The following CD248 variants were observed in gnomAD, a reference collection of about 807,000 sequenced individuals.
The protein encoded by CD248 is endosialin.
Under a neutral mutation model 8.0 loss-of-function variants are expected in CD248, and 7 were observed. That is an observed-to-expected ratio of 0.88 (90% CI 0.50 to 1.64). The LOEUF is 1.64. CD248 is among the 40% of genes most tolerant of loss of function. The pLI, the probability that CD248 is intolerant of heterozygous loss-of-function variation, is 0.00. For missense variants in CD248, 912 were observed against 1,027.2 expected (o/e 0.89, Z 1.53); for synonymous variants, 418 against 437.1 (o/e 0.96, Z 0.54).
In CD248 at chr11:66,315,226, G is replaced by A. The variant is rs151151894; in HGVS notation, c.1802C>T (p.Ser601Phe). The change falls in exon 1 of 1, where the codon TCT (serine) becomes TTT (phenylalanine). Residue 601 changes from serine (S) to phenylalanine (F), a missense_variant. By Grantham distance (155) the Ser-to-Phe change is radical. This residue lies in a region of CD248 where 507 missense variants were observed against 562.2 expected (regional missense o/e 0.90). Coordinates refer to ENST00000311330, the MANE Select transcript of CD248 (RefSeq NM_020404.3). The surrounding 1 kb of genome is among the most constrained non-coding windows in gnomAD (Gnocchi z 4.3). ...AGGCACAGAGATTTGATGGGCAGGAGACACAGGGGACCTGGAGGTGGTGGT... is the reference window on the plus strand; with the variant it reads ...AGGCACAGAGATTTGATGGGCAGGAAACACAGGGGACCTGGAGGTGGTGGT... ...SLTTTSRSPV[S>F]PAHQISVPAA... 2 of 1,530,060 alleles carry A rather than the reference G, an allele frequency of 1.3e-6. No homozygotes were observed. The highest frequency in any genetic ancestry group is 1.8e-6 in the Non-Finnish European group (2 of 1,141,516). The allele number at this position is 1,530,060 out of a possible 1,614,324, so 94.8% of individuals were successfully genotyped here.
chr11:66,314,643 G>T lies in CD248; in HGVS notation c.*111C>A. 2.2e-6 allele frequency: 2 copies of T among 891,512 alleles called. No homozygotes were observed. The highest frequency in any genetic ancestry group is 1.7e-5 in the African/African-American group (1 of 59,456). 55.2% of individuals were successfully genotyped at this position (891,512 alleles called of 1,614,324 possible). A position where few individuals can be genotyped will look rare whatever the true frequency, so the allele number is the denominator to read the frequency against. ...GTGGTTGAGAGAGGACCCTGGCTGG[G>T]CCTGGGGAGCAGGAAGCCATCTGTC... is the stretch of plus-strand genomic sequence containing the variant. On this transcript the variant is annotated 3_prime_UTR_variant, in exon 1 of 1. Coordinates refer to ENST00000311330, the MANE Select transcript of CD248 (RefSeq NM_020404.3). This position sits in a 1 kb window ranked among gnomAD's most constrained non-coding sequence, Gnocchi z 4.0.
At position 66,316,903 on chromosome 11, in the gene CD248, C is replaced by T. The variant is rs199630152; in HGVS notation, c.125G>A (p.Arg42His). Residue 42 changes from arginine (R) to histidine (H), a missense_variant, in exon 1 of 1, where the codon CGC (arginine) becomes CAC (histidine). Physicochemically the swap from Arg to His is conservative, Grantham distance 29. Around this residue, in one of 3 missense-constraint regions of CD248, gnomAD observed 403 missense variants for 446.2 expected, o/e 0.90. Transcript: ENST00000311330. ...GGCCCGCCAGGCCTCCAGGAAGGTG[C>T]GGCGCCGTGGGAAGAGAGCGTAGCA... ...SSCYALFPRR[R>H]TFLEAWRACR... 9.1e-4 allele frequency: 1,424 copies of T among 1,556,292 alleles called. 7 individuals carry two copies. In the African/African-American group the frequency reaches 0.016, roughly 18 times the overall value.
chr11:66,316,923 G>A lies in CD248; in HGVS notation c.105C>T (p.Tyr35=), dbSNP rs767909450. 44 of 1,557,032 alleles carry A rather than the reference G, an allele frequency of 2.8e-5. No individual in the cohort carries two copies. Among genetic ancestry groups the A allele is most frequent in the Middle Eastern group, 4.1e-4 (2 of 4,840 alleles). ...AGGTGCGGCGCCGTGGGAAGAGAGC[G>A]TAGCAGCTGCTGGGGCCGCAGGCGG... ...PRAACGPSSC[Y]ALFPRRRTFL... is the part of the protein sequence containing the mutation. The change falls in exon 1 of 1, where the codon TAC becomes TAT. Residue 35 remains tyrosine, a synonymous_variant. Transcript: ENST00000311330.
rs1311518287 is a variant in CD248 at position 66,316,669 on chromosome 11, G to A, written c.359C>T (p.Pro120Leu). ...QDTAFTNWAQ[P>L]ASGGPCPAQR... is the part of the protein sequence containing the mutation. Reference sequence around the variant, plus strand: ...GGCCGGGCAGGGGCCTCCAGAGGCTGGCTGGGCCCAGTTGGTGAAAGCCGT... The same window carrying A: ...GGCCGGGCAGGGGCCTCCAGAGGCTAGCTGGGCCCAGTTGGTGAAAGCCGT... The change falls in exon 1 of 1, where the codon CCA becomes CTA. Residue 120 changes from proline (P) to leucine (L), a missense_variant. This residue lies in a region of CD248 where 403 missense variants were observed against 446.2 expected (regional missense o/e 0.90). Coordinates refer to ENST00000311330, the MANE Select transcript of CD248 (RefSeq NM_020404.3). 1 of 1,606,450 alleles carries A rather than the reference G, an allele frequency of 6.2e-7. No individual in the cohort carries two copies. The highest frequency in any genetic ancestry group is 8.5e-7 in the Non-Finnish European group (1 of 1,179,326).
At position 66,315,445 on chromosome 11, in the gene CD248, T is replaced by C; in HGVS notation, c.1583A>G (p.His528Arg). 6.2e-7 allele frequency: 1 copy of C among 1,612,674 alleles called. No individual in the cohort carries two copies. Residue 528 changes from histidine (H) to arginine (R), a missense_variant, in exon 1 of 1, where the codon CAC becomes CGC. By Grantham distance (29) the His-to-Arg change is conservative (BLOSUM62 0). Transcript: ENST00000311330. The surrounding 1 kb of genome is among the most constrained non-coding windows in gnomAD (Gnocchi z 4.3). ...STKYPELFPA[H>R]QSPMFPDTRV... is the part of the protein sequence containing the mutation. ...GGTGTCTGGAAACATGGGGGACTGG[T>C]GGGCAGGGAAGAGCTCCGGATATTT... is the stretch of plus-strand genomic sequence containing the variant.
Position 66,315,914 on chromosome 11 carries a change from C to G in CD248, c.1114G>C (p.Gly372Arg). Reference protein sequence around the residue: ...QDLGDELLDDGEDEEDEDEAW... With the variant: ...QDLGDELLDDREDEEDEDEAW... ...TCGTCTTCATCTTCCTCATCCTCCC[C>G]GTCATCCAGCAACTCATCTCCGAGG... Residue 372 changes from glycine to arginine, a missense_variant, in exon 1 of 1, where the codon GGG becomes CGG. Coordinates refer to ENST00000311330, the MANE Select transcript of CD248 (RefSeq NM_020404.3). This position sits in a 1 kb window ranked among gnomAD's most constrained non-coding sequence, Gnocchi z 4.3. The G allele has an allele frequency of 1.2e-6, 2 of 1,613,542 alleles. No homozygotes were observed. Among genetic ancestry groups the G allele is most frequent in the Non-Finnish European group, 8.5e-7 (1 of 1,180,010 alleles).
rs1164742510 is a variant in CD248, at chr11:66,315,429, A to C, written c.1599T>G (p.Phe533Leu). Reference sequence around the variant, plus strand: ...GGGTGCCAGCGACCCGGGTGTCTGGAAACATGGGGGACTGGTGGGCAGGGA... The same window carrying C: ...GGGTGCCAGCGACCCGGGTGTCTGGCAACATGGGGGACTGGTGGGCAGGGA... ...ELFPAHQSPM[F>L]PDTRVAGTQT... Residue 533 changes from phenylalanine (F) to leucine (L), a missense_variant, in exon 1 of 1, where the codon TTT becomes TTG. Physicochemically the swap from Phe to Leu is conservative, Grantham distance 22. Around this residue, in one of 3 missense-constraint regions of CD248, gnomAD observed 507 missense variants for 562.2 expected, o/e 0.90. Transcript: ENST00000311330. This position sits in a 1 kb window ranked among gnomAD's most constrained non-coding sequence, Gnocchi z 4.3. 1 of 1,613,074 alleles carries C rather than the reference A, an allele frequency of 6.2e-7. No individual in the cohort carries two copies. The highest frequency in any genetic ancestry group is 1.3e-5 in the African/African-American group (1 of 74,764).
In CD248 at chr11:66,314,576, G is replaced by T; in HGVS notation, c.*178C>A. On this transcript the variant is annotated 3_prime_UTR_variant, in exon 1 of 1. Transcript: ENST00000311330. The surrounding 1 kb of genome is among the most constrained non-coding windows in gnomAD (Gnocchi z 4.0). Reference sequence around the variant, plus strand: ...AGGGCTTTGGTGTATCCTTGGTCACGAGCGCTGGGCCAGGAAGCAGAGTTC... The same window carrying T: ...AGGGCTTTGGTGTATCCTTGGTCACTAGCGCTGGGCCAGGAAGCAGAGTTC... 1.7e-6 allele frequency: 1 copy of T among 599,090 alleles called. No individual in the cohort carries two copies. Among genetic ancestry groups the T allele is most frequent in the Non-Finnish European group, 2.9e-6 (1 of 341,160 alleles). The allele number at this position is 599,090 out of a possible 1,614,324, so 37.1% of individuals were successfully genotyped here.
rs771265389 is a variant in CD248, at chr11:66,316,671, C to A, written c.357G>T (p.Gln119His). ...DQDTAFTNWAQPASGGPCPAQ... is the reference protein window; with the variant it reads ...DQDTAFTNWAHPASGGPCPAQ... ...CCGGGCAGGGGCCTCCAGAGGCTGG[C>A]TGGGCCCAGTTGGTGAAAGCCGTGT... The change falls in exon 1 of 1, where the codon CAG becomes CAT. Residue 119 changes from glutamine to histidine, a missense_variant. Gln to His is a conservative substitution (Grantham distance 24, BLOSUM62 0). Around this residue, in one of 3 missense-constraint regions of CD248, gnomAD observed 403 missense variants for 446.2 expected, o/e 0.90. Transcript: ENST00000311330. The A allele has an allele frequency of 6.2e-7, 1 of 1,606,532 alleles. No homozygotes were observed. Among genetic ancestry groups the A allele is most frequent in the Non-Finnish European group, 8.5e-7 (1 of 1,179,324 alleles).
In CD248 at chr11:66,315,415, A is replaced by T; in HGVS notation, c.1613T>A (p.Val538Asp). The change falls in exon 1 of 1, where the codon GTC becomes GAC. Residue 538 changes from valine to aspartate, a missense_variant. Coordinates refer to ENST00000311330, the MANE Select transcript of CD248 (RefSeq NM_020404.3). The surrounding 1 kb of genome is among the most constrained non-coding windows in gnomAD (Gnocchi z 4.3). The part of the protein sequence containing the change: ...HQSPMFPDTR[V>D]AGTQTTTHLP... ...ATGAGTGGTGGTCTGGGTGCCAGCGACCCGGGTGTCTGGAAACATGGGGGA... is the reference window on the plus strand; with the variant it reads ...ATGAGTGGTGGTCTGGGTGCCAGCGTCCCGGGTGTCTGGAAACATGGGGGA... The T allele has an allele frequency of 6.2e-7, 1 of 1,612,124 alleles. No individual in the cohort carries two copies. Among genetic ancestry groups the T allele is most frequent in the Non-Finnish European group, 8.5e-7 (1 of 1,179,154 alleles).
In CD248 at chr11:66,315,387, C is replaced by T. The variant is rs1854531452; in HGVS notation, c.1641G>A (p.Leu547=). The part of the protein sequence containing the change: ...RVAGTQTTTH[L]PGIPPNHAPL... ...GGGCATGGTTAGGTGGGATTCCAGG[C>T]AAATGAGTGGTGGTCTGGGTGCCAG... Residue 547 remains leucine (L), a synonymous_variant, in exon 1 of 1, where the codon TTG becomes TTA. Transcript: ENST00000311330. This position sits in a 1 kb window ranked among gnomAD's most constrained non-coding sequence, Gnocchi z 4.3. 1.9e-6 allele frequency: 3 copies of T among 1,609,604 alleles called. No individual in the cohort carries two copies. The highest frequency in any genetic ancestry group is 1.3e-5 in the African/African-American group (1 of 74,614).
chr11:66,316,763 G>T lies in CD248; in HGVS notation c.265C>A (p.Arg89=), dbSNP rs768897237. Residue 89 remains arginine (R), a synonymous_variant, in exon 1 of 1, where the codon CGG becomes AGG. Coordinates refer to ENST00000311330, the MANE Select transcript of CD248 (RefSeq NM_020404.3). Reference sequence around the variant, plus strand: ...TGCAGCTGGCATTGCCGGGCCTGCCGCTGCAGCCCGATCCACAGCAGCCGG... The same window carrying T: ...TGCAGCTGGCATTGCCGGGCCTGCCTCTGCAGCCCGATCCACAGCAGCCGG... The part of the protein sequence containing the change: ...ASRLLWIGLQ[R]QARQCQLQRP... The T allele has an allele frequency of 5.8e-5, 93 of 1,598,790 alleles. No homozygotes were observed. The highest frequency in any genetic ancestry group is 5.5e-4 in the Admixed American group (33 of 59,890).
In CD248 at chr11:66,316,126, C is replaced by T. The variant is rs138947853; in HGVS notation, c.902G>A (p.Arg301Gln). ...GYSCHCRLGF[R>Q]PAEDDPHRCV... is the part of the protein sequence containing the mutation. ...GCGGTGCGGATCATCCTCCGCTGGC[C>T]GGAAACCCAGGCGACAGTGGCAGCT... The change falls in exon 1 of 1, where the codon CGG (arginine) becomes CAG (glutamine). Residue 301 changes from arginine (R) to glutamine (Q), a missense_variant. By Grantham distance (43) the Arg-to-Gln change is conservative. Around this residue, in one of 3 missense-constraint regions of CD248, gnomAD observed 403 missense variants for 446.2 expected, o/e 0.90. Transcript: ENST00000311330. The T allele has an allele frequency of 5.9e-5, 95 of 1,613,230 alleles. No individual in the cohort carries two copies. Among genetic ancestry groups the T allele is most frequent in the Admixed American group, 5.0e-4 (30 of 60,012 alleles).
In CD248 at chr11:66,315,404, G is replaced by C. The variant is rs1202648454; in HGVS notation, c.1624C>G (p.Gln542Glu). Residue 542 changes from glutamine to glutamate, a missense_variant, in exon 1 of 1, where the codon CAG (glutamine) becomes GAG (glutamate). By Grantham distance (29) the Gln-to-Glu change is conservative (BLOSUM62 2). Coordinates refer to ENST00000311330, the MANE Select transcript of CD248 (RefSeq NM_020404.3). The surrounding 1 kb of genome is among the most constrained non-coding windows in gnomAD (Gnocchi z 4.3). The part of the protein sequence containing the change: ...MFPDTRVAGT[Q>E]TTTHLPGIPP... ...ATTCCAGGCAAATGAGTGGTGGTCT[G>C]GGTGCCAGCGACCCGGGTGTCTGGA... The C allele has an allele frequency of 6.2e-7, 1 of 1,612,378 alleles. No individual in the cohort carries two copies. The highest frequency in any genetic ancestry group is 1.3e-5 in the African/African-American group (1 of 74,820).
chr11:66,316,498 G>A lies in CD248; in HGVS notation c.530C>T (p.Ala177Val). 6.3e-7 allele frequency: 1 copy of A among 1,596,960 alleles called. No individual in the cohort carries two copies. The highest frequency in any genetic ancestry group is 1.1e-5 in the South Asian group (1 of 90,860). Residue 177 changes from alanine to valine, a missense_variant, in exon 1 of 1, where the codon GCC becomes GTC. Transcript: ENST00000311330. ...LQDEAGQAGPAVYTTPFHLVS... is the reference protein window; with the variant it reads ...LQDEAGQAGPVVYTTPFHLVS... ...CAGGTGGAAGGGCGTGGTATACACG[G>A]CTGGGCCGGCCTGGCCCGCCTCATC...
Position 66,315,248 on chromosome 11 carries a change from T to C in CD248, c.1780A>G (p.Thr594Ala), listed in dbSNP as rs1279405861. ...GGAGACACAGGGGACCTGGAGGTGG[T>C]GGTCAGAGAGGGCTGGGCAGTTGGG... ...IIPTAQPSLT[T>A]TSRSPVSPAH... The change falls in exon 1 of 1, where the codon ACC becomes GCC. Residue 594 changes from threonine to alanine, a missense_variant. Around this residue, in one of 3 missense-constraint regions of CD248, gnomAD observed 507 missense variants for 562.2 expected, o/e 0.90. Transcript: ENST00000311330. This position sits in a 1 kb window ranked among gnomAD's most constrained non-coding sequence, Gnocchi z 4.3. The C allele has an allele frequency of 1.1e-5, 17 of 1,527,008 alleles. No homozygotes were observed. Among genetic ancestry groups the C allele is most frequent in the Non-Finnish European group, 1.5e-5 (17 of 1,138,898 alleles). The allele number at this position is 1,527,008 out of a possible 1,614,324, so 94.6% of individuals were successfully genotyped here.
In CD248 at chr11:66,316,692, C is replaced by A. The variant is rs1438570197; in HGVS notation, c.336G>T (p.Thr112=). 1.2e-6 allele frequency: 2 copies of A among 1,606,972 alleles called. No individual in the cohort carries two copies. Among genetic ancestry groups the A allele is most frequent in the South Asian group, 1.1e-5 (1 of 91,008 alleles). Residue 112 remains threonine, a synonymous_variant, in exon 1 of 1, where the codon ACG becomes ACT. Coordinates refer to ENST00000311330, the MANE Select transcript of CD248 (RefSeq NM_020404.3). ...GFTWTTGDQD[T]AFTNWAQPAS... is the part of the protein sequence containing the mutation. The stretch of plus-strand genomic sequence containing the variant: ...CTGGCTGGGCCCAGTTGGTGAAAGC[C>A]GTGTCCTGGTCCCCTGTGGTCCACG...
chr11:66,314,721 G>A lies in CD248; in HGVS notation c.*33C>T, dbSNP rs573289047. On this transcript the variant is annotated 3_prime_UTR_variant, in exon 1 of 1. Transcript: ENST00000311330. This position sits in a 1 kb window ranked among gnomAD's most constrained non-coding sequence, Gnocchi z 4.0. ...GTGCAGCCCCGGCCATGTGTCCAGC[G>A]CCCCATACTCCATGAGGGGGGTCTG... The A allele has an allele frequency of 1.5e-4, 222 of 1,516,636 alleles. 1 individual carries two copies. Among genetic ancestry groups the A allele is most frequent in the Admixed American group, 1.4e-3 (71 of 50,366 alleles). The allele number at this position is 1,516,636 out of a possible 1,614,324, so 93.9% of individuals were successfully genotyped here.
In CD248 at chr11:66,317,000, C is replaced by A; in HGVS notation, c.28G>T (p.Ala10Ser). The stretch of plus-strand genomic sequence containing the variant: ...TGGCCCAGTGTGGGCCCTGCGGCCG[C>A]CCAGGCCAGCAACAGGCGCAGCAGC... MLLRLLLAW[A>S]AAGPTLGQDP... The change falls in exon 1 of 1, where the codon GCG (alanine) becomes TCG (serine). Residue 10 changes from alanine to serine, a missense_variant. Transcript: ENST00000311330. The A allele has an allele frequency of 1.4e-6, 2 of 1,480,380 alleles. No individual in the cohort carries two copies. Among genetic ancestry groups the A allele is most frequent in the Admixed American group, 2.5e-5 (1 of 39,900 alleles). The allele number at this position is 1,480,380 out of a possible 1,614,324, so 91.7% of individuals were successfully genotyped here.
Sources: gnomAD v4.1 joint callset for allele counts on GRCh38, gnomAD v4.1.1 for gene constraint, gnomAD v4.1.1 regional missense constraint, Gnocchi (gnomAD v3.1) non-coding constraint, MANE v1.5 for transcripts, NCBI Gene and HGNC (gene_info 2026-07-23, HGNC 2026-07-21) for gene names.